Variants in DRG1 observed in about 807,000 individuals in gnomAD.
DRG1 encodes the protein developmentally-regulated GTP-binding protein 1.
A neutral mutation model predicts 38.8 loss-of-function variants in DRG1; 19 were observed. The ratio of observed to expected loss-of-function variants is 0.49; its 90% CI spans 0.34 to 0.72. The LOEUF (loss-of-function observed/expected upper bound fraction) is 0.72. Among genes scored for constraint, DRG1 ranks in the 30% least tolerant of loss-of-function variants. The probability of loss-of-function intolerance (pLI) is 0.01; values close to 1 mark genes in which losing one functional copy is unlikely to be tolerated. For missense variants in DRG1, 299 were observed against 444.8 expected, an observed-to-expected ratio of 0.67 and a Z score of 2.95; for synonymous variants, 167 against 157.5, an observed-to-expected ratio of 1.06 and a Z score of -0.45.
At chr22:31,411,637 C>A (rs558934736) in intron 4 of DRG1, among the ~76,000 whole-genome samples, 1 of 150,932 alleles carries the variant, frequency 6.6e-6, no homozygotes, top group South Asian at 2.1e-4. Flanking sequence ...TCAAGGGATC[C>A]TCCCACCTCA....
At position 31,433,966 on chromosome 22, in the gene DRG1, A is replaced by T; in HGVS notation, c.1099A>T (p.Lys367Ter). ...TGAGGATGTCATTCAAATTGTGAAGAAGTGAAACCTTTCCCTTTTCCCATC... is the reference window on the plus strand; with the variant it reads ...TGAGGATGTCATTCAAATTGTGAAGTAGTGAAACCTTTCCCTTTTCCCATC... ...EDEDVIQIVK[K>*] Residue 367 changes from lysine to a stop codon, truncating the protein, a stop_gained, in exon 9 of 9, where the codon AAG becomes TAG. Coordinates refer to ENST00000331457, the MANE Select transcript of DRG1 (RefSeq NM_004147.4). LOFTEE classifies it high-confidence loss of function. 2 of 1,613,854 alleles carry T rather than the reference A, an allele frequency of 1.2e-6. No homozygotes were observed. The highest frequency in any genetic ancestry group is 1.7e-6 in the Non-Finnish European group (2 of 1,179,784).
Position 31,427,046 on chromosome 22 carries a change from C to T in DRG1, c.882-14C>T, listed in dbSNP as rs1396122314. 1 of 1,613,052 alleles carries T rather than the reference C, an allele frequency of 6.2e-7. No homozygotes were observed. Among genetic ancestry groups the T allele is most frequent in the African/African-American group, 1.3e-5 (1 of 74,820 alleles). On this transcript the variant is annotated splice_polypyrimidine_tract_variant and intron_variant, in intron 7 of 8. Transcript: ENST00000331457. ...TCTAAGAAGGCAGTAATCTTTATGCCCTCTCTATTCTAGTTACACCAAACC... is the reference window on the plus strand; with the variant it reads ...TCTAAGAAGGCAGTAATCTTTATGCTCTCTCTATTCTAGTTACACCAAACC...
At chr22:31,407,079 C>T (rs1187328146) in intron 3 of DRG1, among the ~76,000 whole-genome samples, 1 of 152,144 alleles carries the variant, frequency 6.6e-6, no homozygotes, top group African/African-American at 2.4e-5. Flanking sequence ...AAGAATACCA[C>T]AGAAATGATA....
At chr22:31,405,172 C>CTTTTT (rs1278780788) in intron 3 of DRG1, among the ~76,000 whole-genome samples, 2 of 139,100 alleles carry the variant, frequency 1.4e-5, no homozygotes, top group Non-Finnish European at 3.1e-5. Context: ...AATAAATTTT[C>CTTTTT]TTTTTTTTTT....
At chr22:31,419,088 T>A (rs2050061021) in intron 4 of DRG1, among the ~76,000 whole-genome samples, 1 of 152,112 alleles carries the variant, frequency 6.6e-6, no homozygotes. Flanking sequence ...GTGCTGGGAT[T>A]ATAGGTATGA....
intron 8 of DRG1, among the ~76,000 whole-genome samples, chr22:31,428,217 CT>C (rs59696131): frequency 0.054 from 7,697 of 143,536 alleles, 331 homozygotes; most frequent in Admixed American, 0.1. Context: ...CACAAAGTTT[CT>C]TTTTTTTTTT....
rs762427310 is a variant in DRG1, at chr22:31,427,120, C to T, written c.942C>T (p.Ser314=). ...CATCCCCAGTGGTGCTTCCTTACTC[C>T]AGGACCACAGTGGAGGATTTCTGCA... is the stretch of plus-strand genomic sequence containing the variant. ...DYTSPVVLPY[S]RTTVEDFCMK... The change falls in exon 8 of 9, where the codon TCC becomes TCT. Residue 314 remains serine (S), a synonymous_variant. Transcript: ENST00000331457. 34 of 1,613,986 alleles carry T rather than the reference C, an allele frequency of 2.1e-5. No homozygotes were observed. The African/African-American group carries it at 3.5e-4, about 16-fold the overall frequency.
intron 5 of DRG1, among the ~76,000 whole-genome samples, chr22:31,420,943 T>C (rs1273210513): frequency 4.0e-5 from 6 of 151,858 alleles, no homozygotes; most frequent in African/African-American, 1.5e-4. Context: ...AGGGTTGCAG[T>C]TTTAAGAACG....
At chr22:31,427,420 T>C (rs1373662781) in intron 8 of DRG1, among the ~76,000 whole-genome samples, 1 of 152,118 alleles carries the variant, frequency 6.6e-6, no homozygotes, top group Non-Finnish European at 1.5e-5. Context: ...CTTCCCTCAT[T>C]ATTTCATCTT....
At chr22:31,423,584 T>C (rs1210808207) in intron 6 of DRG1, among the ~76,000 whole-genome samples, 174 bp downstream of exon 6, 3 of 147,384 alleles carry the variant, frequency 2.0e-5, no homozygotes, top group African/African-American at 7.5e-5. Flanking sequence ...TAGAGTGCAG[T>C]GGCGTGATCT....
intron 1 of DRG1, 147 bp from the exon 2 acceptor site, chr22:31,400,471 GGA>G: frequency 1.1e-6 from 1 of 931,350 alleles, no homozygotes; most frequent in Non-Finnish European, 1.6e-6. Context: ...GAAATGAGCT[GGA>G]TGGAGGAGAT....
rs2145855808 is a variant in DRG1, at chr22:31,399,709, C to T, written c.26C>T (p.Ala9Val). 1 of 1,613,982 alleles carries T rather than the reference C, an allele frequency of 6.2e-7. No homozygotes were observed. Among genetic ancestry groups the T allele is most frequent in the Non-Finnish European group, 8.5e-7 (1 of 1,179,876 alleles). The change falls in exon 1 of 9, where the codon GCG (alanine) becomes GTG (valine). Residue 9 changes from alanine to valine, a missense_variant. Coordinates refer to ENST00000331457, the MANE Select transcript of DRG1 (RefSeq NM_004147.4). MSSTLAKI[A>V]EIEAEMARTQ... Reference sequence around the variant, plus strand: ...ATGAGCAGCACCTTAGCTAAGATCGCGGAGATAGAAGCAGAGGTAATGGAC... The same window carrying T: ...ATGAGCAGCACCTTAGCTAAGATCGTGGAGATAGAAGCAGAGGTAATGGAC...
At chr22:31,432,807 C>T (rs989141046) in intron 8 of DRG1, among the ~76,000 whole-genome samples, 3 of 152,174 alleles carry the variant, frequency 2.0e-5, no homozygotes, top group African/African-American at 7.2e-5. Flanking sequence ...GATCCGCCCG[C>T]CTCAGCCTCC....
chr22:31,407,704 AC>A (rs2049996556), intron 3 of DRG1, among the ~76,000 whole-genome samples: 1 of 123,790 alleles, frequency 8.1e-6, no homozygotes, highest in Non-Finnish European at 1.7e-5. Context: ...TTTTTTGAGT[AC>A]GTTCTTGAAT....
chr22:31,420,457 C>T, intron 5 of DRG1, 32 bp downstream of exon 5: 1 of 1,612,800 alleles, frequency 6.2e-7, no homozygotes, highest in East Asian at 2.2e-5. Context: ...GGGCAGGCTG[C>T]TGCAGGAATT....
intron 5 of DRG1, chr22:31,421,361 T>C (rs1216000679): frequency 6.7e-6 from 1 of 149,710 alleles, no homozygotes; most frequent in Non-Finnish European, 1.5e-5. Context: ...GGCCTCAAGC[T>C]GTCTCCTGCT....
intron 8 of DRG1, among the ~76,000 whole-genome samples, chr22:31,430,576 T>G (rs2050133346): frequency 6.6e-6 from 1 of 151,994 alleles, no homozygotes; most frequent in African/African-American, 2.4e-5. Context: ...ATTTTTTATA[T>G]TTTTAGTAGA....
intron 8 of DRG1, among the ~76,000 whole-genome samples, chr22:31,433,401 G>A (rs1015147371): frequency 6.6e-6 from 1 of 151,440 alleles, no homozygotes; most frequent in African/African-American, 2.4e-5. Context: ...CTCCCGAGTA[G>A]TTGGGATTAC....
At chr22:31,431,440 G>C (rs1033626145) in intron 8 of DRG1, among the ~76,000 whole-genome samples, 1 of 152,260 alleles carries the variant, frequency 6.6e-6, no homozygotes, top group South Asian at 2.1e-4. Context: ...CAAGGCAGGA[G>C]GACTGCTTGA....
Sources: gnomAD v4.1 joint callset for allele counts (sites outside exome capture counted in the v4.1 genomes callset) on GRCh38, gnomAD v4.1.1 for gene constraint, MANE v1.5 for transcripts, NCBI Gene and HGNC (gene_info 2026-07-23, HGNC 2026-07-21) for gene names.